PCDHGA6: variants seen among roughly 807,000 people sequenced by gnomAD.
PCDHGA6 encodes protocadherin gamma subfamily A, 6, also known as protocadherin gamma-A6.
Under a neutral mutation model 60.6 loss-of-function variants are expected in PCDHGA6, and 41 were observed. The observed-to-expected ratio is 0.68, with a 90% CI of 0.53 to 0.88. PCDHGA6 has a LOEUF of 0.88. Among genes scored for constraint, PCDHGA6 ranks in the 40% least tolerant of loss-of-function variants. The probability of loss-of-function intolerance (pLI) is 0.00; values close to 1 mark genes in which losing one functional copy is unlikely to be tolerated. For synonymous variants in PCDHGA6, 594 were observed against 524.4 expected (o/e 1.13, Z -1.81); for missense variants, 1,312 against 1,203.0 (o/e 1.09, Z -1.34).
At chr5:141,478,306 G>A (rs1316502939) in intron 1 of PCDHGA6, 2 of 1,614,056 alleles carry the variant, frequency 1.2e-6, no homozygotes, top group South Asian at 2.2e-5. Flanking sequence ...ACCGAGCCCC[G>A]GTGAGCTCAC....
chr5:141,506,870 G>A (rs2099856877), intron 3 of PCDHGA6, among the ~76,000 whole-genome samples: 1 of 152,166 alleles, frequency 6.6e-6, no homozygotes, highest in East Asian at 1.9e-4. Flanking sequence ...GGTGGGTAGA[G>A]AACCAGGTGA....
At position 141,383,079 on chromosome 5, in the gene PCDHGA6, G is replaced by A. The variant is rs770794066; in HGVS notation, c.2424+6572G>A. 4 of 1,613,906 alleles carry A rather than the reference G, an allele frequency of 2.5e-6. No individual in the cohort carries two copies. In the South Asian group the frequency reaches 4.4e-5, roughly 18 times the overall value. ...TGGGGCTGGAGCCCCGGGAGCTGGC[G>A]GAGCGCGGAGTCCGCATCATCTCCA... is the stretch of plus-strand genomic sequence containing the variant. On this transcript the variant is annotated intron_variant, in intron 1 of 3. Transcript: ENST00000517434.
chr5:141,475,343 G>C (rs1425482944), intron 1 of PCDHGA6, among the ~76,000 whole-genome samples: 3 of 152,178 alleles, frequency 2.0e-5, no homozygotes, highest in Non-Finnish European at 2.9e-5. Context: ...ATGACATCCA[G>C]TTTTAAAAGA....
intron 1 of PCDHGA6, among the ~76,000 whole-genome samples, chr5:141,439,557 A>C (rs766239185): frequency 1.2e-4 from 19 of 152,178 alleles, no homozygotes; most frequent in Non-Finnish European, 2.2e-4. Context: ...TTCAGGCTGC[A>C]GTTCTAGAGT....
At chr5:141,462,302 A>C (rs2099036796) in intron 1 of PCDHGA6, among the ~76,000 whole-genome samples, 1 of 152,222 alleles carries the variant, frequency 6.6e-6, no homozygotes, top group African/African-American at 2.4e-5. Context: ...GTATTACCCA[A>C]ATATATTTGT....
At position 141,432,476 on chromosome 5, in the gene PCDHGA6, A is replaced by T. The variant is rs778378071; in HGVS notation, c.2424+55969A>T. On this transcript the variant is annotated intron_variant, in intron 1 of 3. Transcript: ENST00000517434. This position sits in a 1 kb window ranked among gnomAD's most constrained non-coding sequence, Gnocchi z 6.0. ...CCCCGCCCTCCCCACGGACGGTTCC[A>T]CTGGCGTGGAGCTGGCTCCCCGCTC... 4.6e-5 allele frequency: 75 copies of T among 1,613,962 alleles called. No homozygotes were observed. In the South Asian group the frequency reaches 7.9e-4, roughly 17 times the overall value.
Position 141,376,263 on chromosome 5 carries a change from C to T in PCDHGA6, c.2180C>T (p.Ala727Val), listed in dbSNP as rs1348716434. 6.2e-7 allele frequency: 1 copy of T among 1,614,226 alleles called. No homozygotes were observed. The highest frequency in any genetic ancestry group is 1.1e-5 in the South Asian group (1 of 91,086). ...QRWHKSRLLQ[A>V]SGGGLASMPG... ...TGGCACAAGTCACGCCTGCTGCAGG[C>T]TTCGGGAGGTGGCTTAGCGAGCATG... The change falls in exon 1 of 4, where the codon GCT becomes GTT. Residue 727 changes from alanine (A) to valine (V), a missense_variant. By Grantham distance (64) the Ala-to-Val change is moderately conservative. Transcript: ENST00000517434.
chr5:141,491,148 G>A lies in PCDHGA6; in HGVS notation c.2425-3659G>A. The A allele has an allele frequency of 6.8e-6, 11 of 1,614,140 alleles. No homozygotes were observed. The highest frequency in any genetic ancestry group is 9.3e-6 in the Non-Finnish European group (11 of 1,179,990). The stretch of plus-strand genomic sequence containing the variant: ...TGCGCACAGCCCGGGCCTTACTGGA[G>A]GATGACTCTGACACCCAGCAGGTGG... On this transcript the variant is annotated intron_variant, in intron 1 of 3. Transcript: ENST00000517434. The surrounding 1 kb of genome is among the most constrained non-coding windows in gnomAD (Gnocchi z 6.9).
intron 1 of PCDHGA6, chr5:141,389,722 G>T (rs141134077): frequency 1.9e-6 from 3 of 1,612,560 alleles, no homozygotes; most frequent in Non-Finnish European, 1.7e-6. Context: ...AGCGAGCCCG[G>T]GCTCTTCAGC....
At chr5:141,452,377 A>G (rs2098740152) in intron 1 of PCDHGA6, among the ~76,000 whole-genome samples, 1 of 152,222 alleles carries the variant, frequency 6.6e-6, no homozygotes, top group African/African-American at 2.4e-5. Flanking sequence ...TTAGTAGGGA[A>G]TAGTATTTAG....
At chr5:141,393,512 G>A in intron 1 of PCDHGA6, 1 of 1,613,996 alleles carries the variant, frequency 6.2e-7, no homozygotes, top group Non-Finnish European at 8.5e-7. Flanking sequence ...TGACAGTGTT[G>A]GATACAAATG....
chr5:141,502,884 A>T (rs2099816871), intron 2 of PCDHGA6, among the ~76,000 whole-genome samples: 1 of 36,804 alleles, frequency 2.7e-5, no homozygotes, highest in African/African-American at 3.5e-4. Context: ...TTTTTTTGAC[A>T]GGGAGTCTAG....
chr5:141,429,395 A>AAT (rs2097212201), intron 1 of PCDHGA6, among the ~76,000 whole-genome samples: 7 of 152,008 alleles, frequency 4.6e-5, no homozygotes, highest in African/African-American at 1.7e-4. Flanking sequence ...TTTAAAAAAA[A>AAT]TTGAGATTAA....
At position 141,432,266 on chromosome 5, in the gene PCDHGA6, T is replaced by A. The variant is rs1444077446; in HGVS notation, c.2424+55759T>A. The A allele has an allele frequency of 9.3e-6, 15 of 1,614,096 alleles. No individual in the cohort carries two copies. Among genetic ancestry groups the A allele is most frequent in the Admixed American group, 3.3e-5 (2 of 60,010 alleles). The stretch of plus-strand genomic sequence containing the variant: ...CACCATCCAAGGGGCAAGCCTATCG[T>A]CCTACGTGTCCATCAACTCCGACAC... On this transcript the variant is annotated intron_variant, in intron 1 of 3. Transcript: ENST00000517434. The surrounding 1 kb of genome is among the most constrained non-coding windows in gnomAD (Gnocchi z 6.0).
At position 141,384,238 on chromosome 5, in the gene PCDHGA6, G is replaced by A. The variant is rs1779876859; in HGVS notation, c.2424+7731G>A. ...ATTCATGCAGGTGGCAGACACCAAC[G>A]ATAACCCACCCACCTTCCCCCACTC... On this transcript the variant is annotated intron_variant, in intron 1 of 3. Coordinates refer to ENST00000517434, the MANE Select transcript of PCDHGA6 (RefSeq NM_018919.3). 1 of 1,613,838 alleles carries A rather than the reference G, an allele frequency of 6.2e-7. No individual in the cohort carries two copies. Among genetic ancestry groups the A allele is most frequent in the Non-Finnish European group, 8.5e-7 (1 of 1,179,886 alleles).
chr5:141,408,972 C>T, intron 1 of PCDHGA6: 8 of 1,613,870 alleles, frequency 5.0e-6, no homozygotes, highest in Non-Finnish European at 5.9e-6. Flanking sequence ...AATCTGCCCC[C>T]TGGGTCCCCT....
At chr5:141,378,150 T>C (rs915126320) in intron 1 of PCDHGA6, 8 of 152,250 alleles carry the variant, frequency 5.3e-5, no homozygotes, top group African/African-American at 1.7e-4. Flanking sequence ...ATTATAATTA[T>C]TGGGTTGTTA....
intron 1 of PCDHGA6, among the ~76,000 whole-genome samples, chr5:141,433,397 A>ATCTC (rs1179042498): frequency 6.6e-6 from 1 of 150,410 alleles, no homozygotes; most frequent in African/African-American, 2.5e-5. Flanking sequence ...CTATCTATCT[A>ATCTC]TCTATCTATT....
In PCDHGA6 at chr5:141,404,421, C is replaced by G. The variant is rs199749783; in HGVS notation, c.2424+27914C>G. On this transcript the variant is annotated intron_variant, in intron 1 of 3. Coordinates refer to ENST00000517434, the MANE Select transcript of PCDHGA6 (RefSeq NM_018919.3). ...AATGAGAATTCTAGAGTTATTTACT[C>G]CTTGGCAGAGGATACCATCCAAGGG... 462 of 1,613,692 alleles carry G rather than the reference C, an allele frequency of 2.9e-4. 1 individual carries two copies. The African/African-American group carries it at 5.5e-3, about 19-fold the overall frequency.
Sources: allele counts gnomAD v4.1 joint callset (sites outside exome capture counted in the v4.1 genomes callset), GRCh38; gene constraint gnomAD v4.1.1; non-coding constraint Gnocchi (gnomAD v3.1); transcripts MANE v1.5; gene names NCBI Gene and HGNC (gene_info 2026-07-23, HGNC 2026-07-21).